Variants in REPS2 observed in about 807,000 individuals in gnomAD.
REPS2 encodes the protein ralBP1-associated Eps domain-containing protein 2.
Under a neutral mutation model 53.6 loss-of-function variants are expected in REPS2, and 23 were observed. That is an observed-to-expected ratio of 0.43 (90% CI 0.31 to 0.61). The LOEUF (loss-of-function observed/expected upper bound fraction) is 0.61. REPS2 is among the 20% of genes least tolerant of loss of function. The pLI is 0.11. For synonymous variants in REPS2, 238 were observed against 218.6 expected, an observed-to-expected ratio of 1.09 and a Z score of -0.78; for missense variants, 446 against 534.9, an observed-to-expected ratio of 0.83 and a Z score of 1.64.
the REPS2 span, among the ~76,000 whole-genome samples, chrX:17,181,957 C>T: frequency 8.9e-6 from 1 of 111,958 alleles, no homozygotes; most frequent in Non-Finnish European, 1.9e-5. Context: ...TTCACATGCT[C>T]TTCCAGAATC....
intron 1 of REPS2, among the ~76,000 whole-genome samples, chrX:16,959,500 G>C (rs1186408359): frequency 8.9e-6 from 1 of 112,051 alleles, no homozygotes. Flanking sequence ...CCCTCTTGCA[G>C]ATTCTGCTAG....
chrX:17,153,592 G>T (rs376221156), downstream of REPS2, among the ~76,000 whole-genome samples: 2 of 111,844 alleles, frequency 1.8e-5, no homozygotes, highest in East Asian at 5.6e-4. Context: ...TTCCCATCAT[G>T]ATGTCCTTAG....
chrX:17,045,105 A>T (rs1172864076), intron 5 of REPS2, among the ~76,000 whole-genome samples: 1 of 104,361 alleles, frequency 9.6e-6, no homozygotes, highest in Non-Finnish European at 2.0e-5. Flanking sequence ...AATTTTTTGT[A>T]TTTTTTTAGT....
chrX:17,018,612 T>C (rs1462004418), intron 2 of REPS2, among the ~76,000 whole-genome samples: 1 of 108,155 alleles, frequency 9.2e-6, no homozygotes, highest in Non-Finnish European at 1.9e-5. Flanking sequence ...CTTTTTTTTT[T>C]TTTTTAATGT....
At chrX:17,163,205 G>T in the REPS2 span, among the ~76,000 whole-genome samples, 1 of 111,850 alleles carries the variant, frequency 8.9e-6, no homozygotes, top group African/African-American at 3.2e-5. Flanking sequence ...AAAATTCAGG[G>T]TTGAAAAGTA....
chrX:16,965,685 G>A (rs1263089963), intron 1 of REPS2, among the ~76,000 whole-genome samples: 1 of 112,846 alleles, frequency 8.9e-6, no homozygotes, highest in Admixed American at 9.3e-5. Context: ...GGGAAGAGGC[G>A]CTCCTCACTT....
At chrX:17,142,453 A>G (rs971335953) in intron 17 of REPS2, among the ~76,000 whole-genome samples, 1 of 112,012 alleles carries the variant, frequency 8.9e-6, no homozygotes, top group African/African-American at 3.2e-5. Context: ...CGTATTTGAT[A>G]AAAGACTTAT....
At chrX:17,072,963 C>A (rs189453638) in intron 11 of REPS2, among the ~76,000 whole-genome samples, 1 of 112,344 alleles carries the variant, frequency 8.9e-6, no homozygotes. Context: ...GTTGGAAGAT[C>A]TCTGTGTTCT....
Position 17,077,276 on chromosome X carries a change from A to C in REPS2, c.1385A>C (p.Tyr462Ser), listed in dbSNP as rs1250763627. Residue 462 changes from tyrosine to serine, a missense_variant, in exon 13 of 18, where the codon TAC becomes TCC. Coordinates refer to ENST00000357277, the MANE Select transcript of REPS2 (RefSeq NM_004726.3). Reference sequence around the variant, plus strand: ...CTTCCCTTATTTTGCTACAGATCTTACTCTAGCACCTCCATAGAAGAGGCC... The same window carrying C: ...CTTCCCTTATTTTGCTACAGATCTTCCTCTAGCACCTCCATAGAAGAGGCC... ...SLKARPRSRS[Y>S]SSTSIEEAMK... The C allele has an allele frequency of 8.5e-7, 1 of 1,183,086 alleles. No homozygotes were observed. Among genetic ancestry groups the C allele is most frequent in the Admixed American group, 2.5e-5 (1 of 40,557 alleles).
In REPS2 at chrX:16,947,032, C is replaced by A; in HGVS notation, c.171C>A (p.Pro57=). Residue 57 remains proline, a synonymous_variant, in exon 1 of 18, where the codon CCC becomes CCA. Coordinates refer to ENST00000357277, the MANE Select transcript of REPS2 (RefSeq NM_004726.3). ...CGGGCGGGGGCCCCGGGTCTGGGCC[C>A]CCCGAGGCCGCCAGAGTCGCCCCCG... The part of the protein sequence containing the change: ...GAAGGGPGSG[P]PEAARVAPGT... 1.0e-6 allele frequency: 1 copy of A among 990,410 alleles called. No homozygotes were observed. The highest frequency in any genetic ancestry group is 1.3e-6 in the Non-Finnish European group (1 of 788,844). The allele number at this position is 990,410 out of a possible 1,213,427, so 81.6% of individuals were successfully genotyped here.
At chrX:16,968,640 CG>C (rs1163714399) in intron 1 of REPS2, among the ~76,000 whole-genome samples, 2 of 94,002 alleles carry the variant, frequency 2.1e-5, no homozygotes, top group Admixed American at 1.1e-4. Context: ...GCTGGCCGGG[CG>C]GGGGGCTGAC....
intron 2 of REPS2, among the ~76,000 whole-genome samples, chrX:17,021,133 A>G (rs2061571827): frequency 8.9e-6 from 1 of 112,083 alleles, no homozygotes; most frequent in Non-Finnish European, 1.9e-5. Context: ...TGGAAGTGCA[A>G]AGGCACACTG....
intron 1 of REPS2, among the ~76,000 whole-genome samples, chrX:16,966,262 A>G (rs1231754153): frequency 8.9e-6 from 1 of 112,553 alleles, no homozygotes; most frequent in African/African-American, 3.2e-5. Context: ...CCTGCTACTG[A>G]AATGAAATTT....
At chrX:17,132,374 A>C (rs113780147) in intron 14 of REPS2, among the ~76,000 whole-genome samples, 2,763 of 111,582 alleles carry the variant, frequency 0.025, 93 homozygotes, top group African/African-American at 0.087. Context: ...GAGAGGGGGA[A>C]ATAAAGAGGA....
chrX:16,947,077 C>A lies in REPS2; in HGVS notation c.216C>A (p.Ala72=). The change falls in exon 1 of 18, where the codon GCC becomes GCA. Residue 72 remains alanine (A), a synonymous_variant. Coordinates refer to ENST00000357277, the MANE Select transcript of REPS2 (RefSeq NM_004726.3). ...RVAPGTATAA[A]GPVADLFRAS... ...CCCCCGGCACGGCCACTGCGGCCGC[C>A]GGCCCCGTGGCTGACCTGTTTCGGG... The A allele has an allele frequency of 9.3e-7, 1 of 1,077,254 alleles. No homozygotes were observed. Among genetic ancestry groups the A allele is most frequent in the Non-Finnish European group, 1.2e-6 (1 of 833,972 alleles). 88.8% of individuals were successfully genotyped at this position (1,077,254 alleles called of 1,213,427 possible).
At chrX:17,118,550 G>C (rs188727707) in intron 14 of REPS2, among the ~76,000 whole-genome samples, 1 of 112,291 alleles carries the variant, frequency 8.9e-6, no homozygotes, top group East Asian at 2.8e-4. Flanking sequence ...CTCGCAGTTG[G>C]TAAGTAAGCC....
intron 4 of REPS2, among the ~76,000 whole-genome samples, chrX:17,026,616 C>T (rs1218375432): frequency 1.8e-5 from 2 of 110,623 alleles, no homozygotes; most frequent in Non-Finnish European, 1.9e-5. Context: ...TGCCCCATTC[C>T]CTCCTCATTC....
chrX:17,116,426 G>A (rs920480949), intron 14 of REPS2, among the ~76,000 whole-genome samples: 2 of 110,722 alleles, frequency 1.8e-5, no homozygotes, highest in Non-Finnish European at 3.8e-5. Flanking sequence ...ACCCAAGCTG[G>A]TCTTGAACTC....
Position 16,946,866 on chromosome X carries a change from AGGCGGCAGCGGC to A in REPS2, c.12_23del (p.Ala14_Ala17del), listed in dbSNP as rs1398954646. On this transcript the variant is annotated inframe_deletion, in exon 1 of 18. Coordinates refer to ENST00000357277, the MANE Select transcript of REPS2 (RefSeq NM_004726.3). ...CCGCGCCCCCTTGCTGGCCCCATGGAGGCGGCAGCGGCGGCGGCGGCGGCGGCAGCGGCAGCG... is the reference window on the plus strand; with the variant it reads ...CCGCGCCCCCTTGCTGGCCCCATGGAGGCGGCGGCGGCGGCAGCGGCAGCG... The A allele has an allele frequency of 3.3e-4, 249 of 747,594 alleles. No individual in the cohort carries two copies. Among genetic ancestry groups the A allele is most frequent in the Non-Finnish European group, 3.6e-4 (232 of 642,189 alleles). The allele number at this position is 747,594 out of a possible 1,213,427, so 61.6% of individuals were successfully genotyped here. A position where few individuals can be genotyped will look rare whatever the true frequency, so the allele number is the denominator to read the frequency against.
Sources: allele counts gnomAD v4.1 joint callset (sites outside exome capture counted in the v4.1 genomes callset), GRCh38; gene constraint gnomAD v4.1.1; transcripts MANE v1.5; gene names NCBI Gene and HGNC (gene_info 2026-07-23, HGNC 2026-07-21).